The following AGBL4 variants were observed in gnomAD, a reference collection of about 807,000 sequenced individuals.
The protein encoded by AGBL4 is AGBL carboxypeptidase 4, also known as cytosolic carboxypeptidase 6.
In AGBL4, 58 loss-of-function variants were observed where a neutral mutation model predicts 66.4. The ratio of observed to expected loss-of-function variants is 0.87; its 90% CI spans 0.71 to 1.09. The LOEUF (loss-of-function observed/expected upper bound fraction) is 1.09. Ranked by LOEUF, AGBL4 falls within the 50% of genes least tolerant of loss-of-function variation. AGBL4 has a pLI of 0.00. For missense variants in AGBL4, 579 were observed against 631.0 expected (o/e 0.92, Z 0.88); for synonymous variants, 234 against 222.9 (o/e 1.05, Z -0.44).
chr1:48,917,486 A>G (rs1653688465), intron 5 of AGBL4, among the ~76,000 whole-genome samples: 1 of 152,204 alleles, frequency 6.6e-6, no homozygotes, highest in Non-Finnish European at 1.5e-5. Context: ...TAGCAGCTGT[A>G]CTATCCCAGA....
At chr1:48,840,171 T>C (rs1349218101) in intron 6 of AGBL4, among the ~76,000 whole-genome samples, 1 of 152,148 alleles carries the variant, frequency 6.6e-6, no homozygotes, top group Non-Finnish European at 1.5e-5. Context: ...TTCACTGGGA[T>C]ATTTGGGAAC....
At chr1:49,923,433 T>A (rs1007683369) in intron 1 of AGBL4, among the ~76,000 whole-genome samples, 1 of 151,488 alleles carries the variant, frequency 6.6e-6, no homozygotes, top group Non-Finnish European at 1.5e-5. Flanking sequence ...GAAGATGTGA[T>A]GATGGTGACA....
chr1:49,733,951 C>A (rs1481336982), intron 2 of AGBL4, among the ~76,000 whole-genome samples: 1 of 152,114 alleles, frequency 6.6e-6, no homozygotes, highest in Non-Finnish European at 1.5e-5. Context: ...AAGTAGAATT[C>A]ATCCCAAGGA....
At chr1:49,566,402 C>T (rs925312954) in intron 3 of AGBL4, among the ~76,000 whole-genome samples, 2 of 152,138 alleles carry the variant, frequency 1.3e-5, no homozygotes, top group Non-Finnish European at 2.9e-5. Flanking sequence ...AATTTTTCTG[C>T]TCTGTTTTTT....
chr1:49,391,993 C>A (rs1004887648), intron 3 of AGBL4, among the ~76,000 whole-genome samples: 7 of 152,054 alleles, frequency 4.6e-5, no homozygotes, highest in Non-Finnish European at 8.8e-5. Flanking sequence ...ATGTGTGTAA[C>A]CTCTCTTCTG....
chr1:48,748,340 T>C (rs1651091903), intron 6 of AGBL4, among the ~76,000 whole-genome samples: 1 of 152,112 alleles, frequency 6.6e-6, no homozygotes, highest in African/African-American at 2.4e-5. Flanking sequence ...CAGAGACAAA[T>C]CTGGTTTCAT....
At chr1:48,929,577 C>A (rs1654869845) in intron 5 of AGBL4, among the ~76,000 whole-genome samples, 1 of 152,174 alleles carries the variant, frequency 6.6e-6, no homozygotes, top group African/African-American at 2.4e-5. Flanking sequence ...TGGCTTATAA[C>A]TATATATTCA....
chr1:48,837,965 C>A (rs745544551), intron 6 of AGBL4, among the ~76,000 whole-genome samples: 2 of 151,738 alleles, frequency 1.3e-5, no homozygotes, highest in Non-Finnish European at 2.9e-5. Flanking sequence ...CCATATGACT[C>A]TGGCTGTTGT....
intron 3 of AGBL4, among the ~76,000 whole-genome samples, chr1:49,564,217 C>T (rs1428159500): frequency 6.6e-6 from 1 of 152,054 alleles, no homozygotes; most frequent in Non-Finnish European, 1.5e-5. Flanking sequence ...ATTAGTCTTG[C>T]TAGCAGTCTA....
At chr1:48,744,465 G>A (rs924808664) in intron 6 of AGBL4, among the ~76,000 whole-genome samples, 18 of 152,258 alleles carry the variant, frequency 1.2e-4, no homozygotes, top group East Asian at 1.9e-4. Flanking sequence ...CTGAGTTGGC[G>A]TGTGAAGTCT....
intron 4 of AGBL4, among the ~76,000 whole-genome samples, chr1:49,171,830 T>C (rs538668999): frequency 2.6e-5 from 4 of 152,324 alleles, no homozygotes; most frequent in African/African-American, 7.2e-5. Context: ...TGTTTTTCTA[T>C]GGAAGCCAAG....
chr1:49,170,314 A>C (rs921242878), intron 4 of AGBL4, among the ~76,000 whole-genome samples: 2 of 143,756 alleles, frequency 1.4e-5, no homozygotes, highest in East Asian at 2.0e-4. Flanking sequence ...ATATGTTATA[A>C]ATTTATATTC....
intron 5 of AGBL4, among the ~76,000 whole-genome samples, chr1:48,867,576 T>A (rs968294220): frequency 6.6e-6 from 1 of 152,198 alleles, no homozygotes; most frequent in African/African-American, 2.4e-5. Context: ...CTCATTCTTC[T>A]GTACCAGATA....
chr1:49,199,520 C>G (rs1488954099), intron 4 of AGBL4, among the ~76,000 whole-genome samples: 1 of 152,192 alleles, frequency 6.6e-6, no homozygotes. Flanking sequence ...GTGGCAGGAA[C>G]CTTACACTAC....
chr1:48,811,439 C>T (rs905344876), intron 6 of AGBL4, among the ~76,000 whole-genome samples: 1 of 152,164 alleles, frequency 6.6e-6, no homozygotes, highest in African/African-American at 2.4e-5. Context: ...TTTGCTCAAG[C>T]ATTTACAGTG....
intron 3 of AGBL4, among the ~76,000 whole-genome samples, chr1:49,273,836 C>G (rs1260771274): frequency 1.3e-5 from 2 of 152,008 alleles, no homozygotes; most frequent in African/African-American, 4.8e-5. Flanking sequence ...CCACCATGCC[C>G]TGATGACTTT....
intron 3 of AGBL4, among the ~76,000 whole-genome samples, chr1:49,524,417 C>A (rs1401283904): frequency 6.6e-6 from 1 of 152,080 alleles, no homozygotes. Context: ...GTCTTAATTA[C>A]TCTGCAATGT....
chr1:49,654,724 T>A (rs1288373732), intron 3 of AGBL4, among the ~76,000 whole-genome samples: 4 of 152,216 alleles, frequency 2.6e-5, no homozygotes, highest in Admixed American at 2.6e-4. Flanking sequence ...AAGTCTGTTT[T>A]ATCAGAGACT....
rs1433149230 is a variant in AGBL4, at chr1:48,759,385, A to G, written c.635-96144T>C. The G allele has an allele frequency of 2.7e-6, 4 of 1,465,780 alleles. No individual in the cohort carries two copies. The Admixed American group carries it at 9.3e-5, about 34-fold the overall frequency. 90.8% of individuals were successfully genotyped at this position (1,465,780 alleles called of 1,614,324 possible). On this transcript the variant is annotated intron_variant, in intron 6 of 13. Transcript: ENST00000371839. ...GACAATCCTAAAATCACAGAATCAC[A>G]GAACATCAGTGCTTGGAGAAACCTG...
Sources: allele counts gnomAD v4.1 joint callset (sites outside exome capture counted in the v4.1 genomes callset), GRCh38; gene constraint gnomAD v4.1.1; transcripts MANE v1.5; gene names NCBI Gene and HGNC (gene_info 2026-07-23, HGNC 2026-07-21).